Variants in NIPAL2 observed in about 807,000 individuals in gnomAD.
NIPAL2 encodes NIPA-like protein 2.
A neutral mutation model predicts 48.9 loss-of-function variants in NIPAL2; 43 were observed. That is an observed-to-expected ratio of 0.88 (90% confidence interval 0.69 to 1.13). NIPAL2 has a LOEUF of 1.13. Among genes scored for constraint, NIPAL2 ranks in the 50% most tolerant of loss-of-function variants. The pLI, the probability that NIPAL2 is intolerant of heterozygous loss-of-function variation, is 0.00. For synonymous variants in NIPAL2, 167 were observed against 174.6 expected (o/e 0.96, Z 0.34); for missense variants, 446 against 461.4 (o/e 0.97, Z 0.31).
At chr8:98,212,321 G>C in intron 6 of NIPAL2, 84 bp downstream of exon 6, 2 of 707,452 alleles carry the variant, frequency 2.8e-6, no homozygotes, top group Non-Finnish European at 4.9e-6. Flanking sequence ...GAAAGGAGTA[G>C]AATGCTTAAG....
At chr8:98,255,485 G>A (rs535517768) in intron 1 of NIPAL2, among the ~76,000 whole-genome samples, 15 of 152,202 alleles carry the variant, frequency 9.9e-5, no homozygotes, top group African/African-American at 3.6e-4. Flanking sequence ...GATTTTTGTA[G>A]CAATAAGACA....
Position 98,191,831 on chromosome 8 carries a change from CAGG to C in NIPAL2, c.*1144_*1146del, listed in dbSNP as rs1253246866. ...TGGAGTGGAAAAGCCATTCAGGAAA[CAGG>C]AGGACTTGGGCTTCCTCTTGAAGCT... On this transcript the variant is annotated 3_prime_UTR_variant, in exon 11 of 11. Transcript: ENST00000430223. 2.0e-5 allele frequency: 3 copies of C among 152,184 alleles called. No individual in the cohort carries two copies. The highest frequency in any genetic ancestry group is 2.9e-5 in the Non-Finnish European group (2 of 68,032). 9.4% of individuals were successfully genotyped at this position (152,184 alleles called of 1,614,324 possible). A position where few individuals can be genotyped will look rare whatever the true frequency, so the allele number is the denominator to read the frequency against.
chr8:98,197,965 T>C (rs956924210), intron 8 of NIPAL2, among the ~76,000 whole-genome samples: 5 of 152,236 alleles, frequency 3.3e-5, no homozygotes, highest in Non-Finnish European at 2.9e-5. Context: ...TCACAAAAGT[T>C]CTTAATGACA....
chr8:98,212,522 A>G (rs749714588), intron 5 of NIPAL2, 21 bp from the exon 6 acceptor site: 36 of 1,191,332 alleles, frequency 3.0e-5, no homozygotes, highest in Non-Finnish European at 4.4e-5. Context: ...AAAAGATGGA[A>G]AAGAGTAAGT....
chr8:98,220,964 C>CTTTTTTTTTTTT (rs557824737), intron 5 of NIPAL2, among the ~76,000 whole-genome samples: 8 of 68,636 alleles, frequency 1.2e-4, no homozygotes, highest in East Asian at 5.2e-4. Flanking sequence ...TCATTTCATT[C>CTTTTTTTTTTTT]TTTTTTTTTT....
At chr8:98,257,553 G>A (rs1040487343) in intron 1 of NIPAL2, among the ~76,000 whole-genome samples, 2 of 151,802 alleles carry the variant, frequency 1.3e-5, no homozygotes, top group African/African-American at 2.4e-5. Context: ...CACCACACCC[G>A]GCCTATTTCT....
intron 1 of NIPAL2, among the ~76,000 whole-genome samples, chr8:98,280,150 AC>A (rs1815715838): frequency 6.6e-6 from 1 of 152,322 alleles, no homozygotes; most frequent in South Asian, 2.1e-4. Context: ...ATATGGTAAT[AC>A]AGGGGTGTGT....
intron 10 of NIPAL2, 59 bp downstream of exon 10, chr8:98,194,668 AC>A: frequency 3.4e-6 from 3 of 893,730 alleles, no homozygotes; most frequent in Non-Finnish European, 5.0e-6. Flanking sequence ...CCAAAATAAT[AC>A]CAATAACTAT....
chr8:98,258,938 C>A (rs536470678), intron 1 of NIPAL2, among the ~76,000 whole-genome samples: 2 of 151,134 alleles, frequency 1.3e-5, no homozygotes, highest in Non-Finnish European at 2.9e-5. Context: ...TAACAGTCTG[C>A]GTATTAAAAA....
At chr8:98,261,411 A>G (rs1220048327) in intron 1 of NIPAL2, among the ~76,000 whole-genome samples, 1 of 142,148 alleles carries the variant, frequency 7.0e-6, no homozygotes, top group African/African-American at 2.7e-5. Flanking sequence ...AACTAGAATA[A>G]CCAATACAGA....
intron 1 of NIPAL2, among the ~76,000 whole-genome samples, chr8:98,280,789 G>GAGAGAGAGAGAGAA (rs1815783195): frequency 7.1e-6 from 1 of 141,202 alleles, no homozygotes; most frequent in Non-Finnish European, 1.5e-5. Context: ...GAGAGAGAGA[G>GAGAGAGAGAGAGAA]AGAAAGCGAG....
intron 1 of NIPAL2, among the ~76,000 whole-genome samples, chr8:98,258,893 C>T (rs951588137): frequency 2.6e-4 from 39 of 151,732 alleles, no homozygotes; most frequent in Admixed American, 7.9e-4. Context: ...CTTAATTAAG[C>T]GCCTTTAAAT....
intron 1 of NIPAL2, among the ~76,000 whole-genome samples, chr8:98,271,591 T>A (rs1490400206): frequency 6.6e-6 from 1 of 152,220 alleles, no homozygotes; most frequent in East Asian, 1.9e-4. Flanking sequence ...AGGAGCCTTT[T>A]GGCAGAGTTG....
At position 98,192,958 on chromosome 8, in the gene NIPAL2, ACAGCCATCCTTCT is replaced by A; in HGVS notation, c.*7_*19del. 1 of 1,503,528 alleles carries A rather than the reference ACAGCCATCCTTCT, an allele frequency of 6.7e-7. No homozygotes were observed. The highest frequency in any genetic ancestry group is 9.3e-7 in the Non-Finnish European group (1 of 1,079,872). 93.1% of individuals were successfully genotyped at this position (1,503,528 alleles called of 1,614,324 possible). ...AAAGGTGGTATCGAATAACAGGCCAACAGCCATCCTTCTCAGCATTTAGACCTCTTTCTTCTCT... is the reference window on the plus strand; with the variant it reads ...AAAGGTGGTATCGAATAACAGGCCAACAGCATTTAGACCTCTTTCTTCTCT... On this transcript the variant is annotated 3_prime_UTR_variant, in exon 11 of 11. Transcript: ENST00000430223.
intron 1 of NIPAL2, among the ~76,000 whole-genome samples, chr8:98,260,980 T>C (rs1174168441): frequency 3.9e-5 from 6 of 152,114 alleles, no homozygotes; most frequent in Admixed American, 2.6e-4. Context: ...CCCTGACCCC[T>C]GAGCAGCCTA....
intron 2 of NIPAL2, 76 bp from the exon 3 acceptor site, chr8:98,252,710 C>A: frequency 8.1e-7 from 1 of 1,229,104 alleles, no homozygotes. Flanking sequence ...CTTTTGTATT[C>A]CTTTAATTCT....
At chr8:98,252,687 T>A in intron 2 of NIPAL2, 53 bp from the exon 3 acceptor site, 5 of 1,457,898 alleles carry the variant, frequency 3.4e-6, no homozygotes, top group Non-Finnish European at 4.6e-6. Flanking sequence ...ATGAGGGGAA[T>A]GCCACTTTTT....
At chr8:98,280,030 T>G (rs1815706797) in intron 1 of NIPAL2, among the ~76,000 whole-genome samples, 1 of 152,236 alleles carries the variant, frequency 6.6e-6, no homozygotes, top group Non-Finnish European at 1.5e-5. Flanking sequence ...CTATCCTACT[T>G]TTATTAGCCA....
Position 98,226,436 on chromosome 8 carries a change from G to A in NIPAL2, c.437-3836C>T, listed in dbSNP as rs148626528. Among the ~76,000 whole-genome samples the A allele has an allele frequency of 3.6e-3, 543 of 152,286 alleles. 2 individuals are homozygous for A. Among genetic ancestry groups the A allele is most frequent in the Middle Eastern group, 0.017 (5 of 294 alleles). ...TTGGTCACTGTGGCCATATCTACAT[G>A]AGGGGGCATTCCAAGCCCAGTAATG... is the stretch of plus-strand genomic sequence containing the variant. On this transcript the variant is annotated intron_variant, in intron 4 of 10. Transcript: ENST00000430223.
Sources: gnomAD v4.1 joint callset for allele counts (sites outside exome capture counted in the v4.1 genomes callset) on GRCh38, gnomAD v4.1.1 for gene constraint, MANE v1.5 for transcripts, NCBI Gene and HGNC (gene_info 2026-07-23, HGNC 2026-07-21) for gene names.